Variants in ARHGAP45 observed in about 807,000 individuals in gnomAD.
The protein encoded by ARHGAP45 is Rho GTPase activating protein 45.
ARHGAP45 carries 56 observed loss-of-function variants against 116.1 expected under a neutral mutation model. The observed-to-expected ratio is 0.48, with a 90% confidence interval of 0.39 to 0.60. The LOEUF (loss-of-function observed/expected upper bound fraction) is 0.60, where lower values mean the gene tolerates loss of function less well. Among genes scored for constraint, ARHGAP45 ranks in the 20% least tolerant of loss-of-function variants. ARHGAP45 has a pLI of 0.00. For missense variants in ARHGAP45, 1,622 were observed against 1,601.0 expected (o/e 1.01, Z -0.22); for synonymous variants, 866 against 701.7 (o/e 1.23, Z -3.70).
intron 1 of ARHGAP45, 37 bp downstream of exon 1, chr19:1,067,532 G>A (rs1212361515): frequency 1.2e-5 from 19 of 1,534,710 alleles, no homozygotes; most frequent in East Asian, 2.4e-5. Context: ...AGCTGACGCC[G>A]GGCCGCAGGG....
chr19:1,086,002 T>C lies in ARHGAP45; in HGVS notation c.3407T>C (p.Val1136Ala), dbSNP rs768384669. 5 of 1,611,248 alleles carry C rather than the reference T, an allele frequency of 3.1e-6. No individual in the cohort carries two copies. The highest frequency in any genetic ancestry group is 2.2e-5 in the South Asian group (2 of 90,932). Residue 1136 changes from valine (V) to alanine (A), a missense_variant, in exon 23 of 23, where the codon GTG becomes GCG. Around this residue, in one of 3 missense-constraint regions of ARHGAP45, gnomAD observed 1,334 missense variants for 1,263.8 expected, o/e 1.06. Transcript: ENST00000313093. ...TGCAGGGAAAGGCAGCCGGAATTCG[T>C]GTGAGCTGGGGTGGGGCTGGGACCA... ...GSCRERQPEF[V>A]
Position 1,071,392 on chromosome 19 carries a change from C to T in ARHGAP45, c.422-1757C>T. 4 of 1,189,248 alleles carry T rather than the reference C, an allele frequency of 3.4e-6. No homozygotes were observed. Among genetic ancestry groups the T allele is most frequent in the Non-Finnish European group, 4.2e-6 (4 of 957,790 alleles). 73.7% of individuals were successfully genotyped at this position (1,189,248 alleles called of 1,614,324 possible). A position where few individuals can be genotyped will look rare whatever the true frequency, so the allele number is the denominator to read the frequency against. ...ACAGGTGCCGGGCGCTGGGTCCCGC[C>T]GCGTCCGGGAGCACGTGGCGCTCGG... is the stretch of plus-strand genomic sequence containing the variant. On this transcript the variant is annotated intron_variant, in intron 2 of 22. Coordinates refer to ENST00000313093, the MANE Select transcript of ARHGAP45 (RefSeq NM_012292.5). This position sits in a 1 kb window ranked among gnomAD's most constrained non-coding sequence, Gnocchi z 4.6.
chr19:1,081,410 A>G (rs927896622), intron 17 of ARHGAP45, 140 bp from the exon 18 acceptor site: 2 of 915,270 alleles, frequency 2.2e-6, no homozygotes, highest in African/African-American at 1.7e-5. Context: ...GGTGGAAGCC[A>G]CGAGCCACTG....
rs753124970 is a variant in ARHGAP45 at position 1,085,675 on chromosome 19, CCAA to C, written c.3082_3084del (p.Asn1028del). ...CCTTTCTTAGAATCCCGAGTTGTGT[CCAA>C]CGATTCGGACTCGGACCTAGAGGAG... is the stretch of plus-strand genomic sequence containing the variant. On this transcript the variant is annotated inframe_deletion, in exon 23 of 23. Coordinates refer to ENST00000313093, the MANE Select transcript of ARHGAP45 (RefSeq NM_012292.5). 5.1e-5 allele frequency: 81 copies of C among 1,575,940 alleles called. 2 individuals are homozygous for C. In the South Asian group the frequency reaches 8.7e-4, roughly 17 times the overall value.
Position 1,079,967 on chromosome 19 carries a change from G to T in ARHGAP45, c.1552G>T (p.Ala518Ser). 1 of 1,612,640 alleles carries T rather than the reference G, an allele frequency of 6.2e-7. No individual in the cohort carries two copies. Among genetic ancestry groups the T allele is most frequent in the Non-Finnish European group, 8.5e-7 (1 of 1,179,680 alleles). ...CTACCAGATGATGCATATGCAGACG[G>T]CGCCGCTGCCCGTGCACTTCCAGAT... ...SYYQMMHMQTAPLPVHFQMLC... is the reference protein window; with the variant it reads ...SYYQMMHMQTSPLPVHFQMLC... Residue 518 changes from alanine to serine, a missense_variant, in exon 13 of 23, where the codon GCG becomes TCG. Transcript: ENST00000313093.
In ARHGAP45 at chr19:1,079,776, C is replaced by T. The variant is rs148386179; in HGVS notation, c.1448C>T (p.Thr483Ile). Residue 483 changes from threonine (T) to isoleucine (I), a missense_variant, in exon 12 of 23, where the codon ACC (threonine) becomes ATC (isoleucine). Thr to Ile is a moderately conservative substitution (Grantham distance 89, BLOSUM62 -1). This residue lies in a region of ARHGAP45 where 1,334 missense variants were observed against 1,263.8 expected (regional missense o/e 1.06). Coordinates refer to ENST00000313093, the MANE Select transcript of ARHGAP45 (RefSeq NM_012292.5). ...AKTQKQELEDTKVTALRQIQE... is the reference protein window; with the variant it reads ...AKTQKQELEDIKVTALRQIQE... ...ACGCAGAAGCAGGAGCTGGAGGATACCAAGGTGACGGCGCTGCGGCAGATC... is the reference window on the plus strand; with the variant it reads ...ACGCAGAAGCAGGAGCTGGAGGATATCAAGGTGACGGCGCTGCGGCAGATC... The T allele has an allele frequency of 3.7e-6, 6 of 1,611,776 alleles. No homozygotes were observed. Among genetic ancestry groups the T allele is most frequent in the Admixed American group, 3.3e-5 (2 of 59,978 alleles).
At chr19:1,085,629 T>TCC in intron 22 of ARHGAP45, 31 bp from the exon 23 acceptor site, 1 of 1,476,498 alleles carries the variant, frequency 6.8e-7, no homozygotes, top group Non-Finnish European at 9.1e-7. Context: ...CTCCTGTCTG[T>TCC]CTCCCCCCGC....
Position 1,080,526 on chromosome 19 carries a change from C to T in ARHGAP45, c.1891C>T (p.Leu631=). The T allele has an allele frequency of 1.2e-6, 2 of 1,612,946 alleles. No individual in the cohort carries two copies. Among genetic ancestry groups the T allele is most frequent in the South Asian group, 1.1e-5 (1 of 91,084 alleles). ...CTCGATCTCAGACTCGGACAGTGGGCTGGACCCCGGCCCTGGCGCAGGTGA... is the reference window on the plus strand; with the variant it reads ...CTCGATCTCAGACTCGGACAGTGGGTTGGACCCCGGCCCTGGCGCAGGTGA... The part of the protein sequence containing the change: ...PLSISDSDSG[L]DPGPGAGDFK... Residue 631 remains leucine, a synonymous_variant, in exon 15 of 23, where the codon CTG becomes TTG. Transcript: ENST00000313093.
chr19:1,086,237 T>C lies in ARHGAP45; in HGVS notation c.*231T>C. On this transcript the variant is annotated 3_prime_UTR_variant, in exon 23 of 23. Transcript: ENST00000313093. ...GCTGTCCCCTGCACCCCGGCTCAGC[T>C]GAGCTGGGGAACACTGCTGTCGTGT... 1 of 540,262 alleles carries C rather than the reference T, an allele frequency of 1.9e-6. No homozygotes were observed. The highest frequency in any genetic ancestry group is 3.3e-6 in the Non-Finnish European group (1 of 301,038). 33.5% of individuals were successfully genotyped at this position (540,262 alleles called of 1,614,324 possible).
At chr19:1,077,170 G>A (rs990330108) in intron 10 of ARHGAP45, 4 of 985,246 alleles carry the variant, frequency 4.1e-6, no homozygotes, top group Non-Finnish European at 4.8e-6. Flanking sequence ...TGCCTGGGCG[G>A]CTTCTCTGTT....
rs2043629094 is a variant in ARHGAP45, at chr19:1,085,975, C to G, written c.3380C>G (p.Ser1127Cys). The G allele has an allele frequency of 6.2e-7, 1 of 1,612,700 alleles. No individual in the cohort carries two copies. The change falls in exon 23 of 23, where the codon TCC becomes TGC. Residue 1127 changes from serine to cysteine, a missense_variant. This residue lies in a region of ARHGAP45 where 1,334 missense variants were observed against 1,263.8 expected (regional missense o/e 1.06). Transcript: ENST00000313093. Reference sequence around the variant, plus strand: ...CGTGGCGGGCGGATGACACTGGGCTCCTGCAGGGAAAGGCAGCCGGAATTC... The same window carrying G: ...CGTGGCGGGCGGATGACACTGGGCTGCTGCAGGGAAAGGCAGCCGGAATTC... ...RLRGGRMTLG[S>C]CRERQPEFV
rs2043059455 is a variant in ARHGAP45, at chr19:1,067,509, G to A, written c.90+14G>A. 1.3e-6 allele frequency: 2 copies of A among 1,585,210 alleles called. No individual in the cohort carries two copies. The highest frequency in any genetic ancestry group is 8.6e-7 in the Non-Finnish European group (1 of 1,166,466). On this transcript the variant is annotated intron_variant, in intron 1 of 22. Transcript: ENST00000313093. ...CAGCCCTCGGGGGTGAGTGGAGCCC[G>A]GGTGAGACCCGGAGCTGACGCCGGG...
At chr19:1,083,931 G>A (rs755482047) in intron 21 of ARHGAP45, among the ~76,000 whole-genome samples, 13 of 152,170 alleles carry the variant, frequency 8.5e-5, no homozygotes, top group Non-Finnish European at 1.5e-4. Flanking sequence ...AACAGAGATG[G>A]GGTTTCACTT....
chr19:1,071,175 C>A lies in ARHGAP45; in HGVS notation c.422-1974C>A. 7.5e-7 allele frequency: 1 copy of A among 1,340,636 alleles called. No homozygotes were observed. The highest frequency in any genetic ancestry group is 3.5e-5 in the Admixed American group (1 of 28,330). The allele number at this position is 1,340,636 out of a possible 1,614,324, so 83.0% of individuals were successfully genotyped here. A position where few individuals can be genotyped will look rare whatever the true frequency, so the allele number is the denominator to read the frequency against. On this transcript the variant is annotated intron_variant, in intron 2 of 22. Coordinates refer to ENST00000313093, the MANE Select transcript of ARHGAP45 (RefSeq NM_012292.5). The surrounding 1 kb of genome is among the most constrained non-coding windows in gnomAD (Gnocchi z 4.6). The stretch of plus-strand genomic sequence containing the variant: ...AACGGGACCCCAGGGCGGGGTTTCC[C>A]TCGCGGGGGCGGGGCCTCCTGACCG...
rs769400987 is a variant in ARHGAP45, at chr19:1,073,959, C to A, written c.735C>A (p.Ser245Arg). The change falls in exon 6 of 23, where the codon AGC becomes AGA. Residue 245 changes from serine (S) to arginine (R), a missense_variant. Transcript: ENST00000313093. ...PPGDSSQSMESLYGPGSEGTP... is the reference protein window; with the variant it reads ...PPGDSSQSMERLYGPGSEGTP... ...TCTCCGTCCTACAGTCCATGGAAAG[C>A]CTGTATGGACCGGGCAGTGAGGGCA... 6.3e-7 allele frequency: 1 copy of A among 1,580,270 alleles called. No homozygotes were observed.
chr19:1,070,833 T>C (rs945062003), intron 2 of ARHGAP45, among the ~76,000 whole-genome samples: 2 of 152,122 alleles, frequency 1.3e-5, no homozygotes, highest in Non-Finnish European at 2.9e-5. Flanking sequence ...GAGAAGACCC[T>C]GGCGGCTAGG....
rs373114980 is a variant in ARHGAP45 at position 1,079,883 on chromosome 19, G to A, written c.1512+43G>A. 1.8e-5 allele frequency: 28 copies of A among 1,591,786 alleles called. No homozygotes were observed. In the African/African-American group the frequency reaches 2.8e-4, roughly 16 times the overall value. On this transcript the variant is annotated intron_variant, in intron 12 of 22. Transcript: ENST00000313093. ...GCCGCCCGGGCGGGGATGGTGGACCGGGCGGCCTCCTCCTGACCCCTCCGC... is the reference window on the plus strand; with the variant it reads ...GCCGCCCGGGCGGGGATGGTGGACCAGGCGGCCTCCTCCTGACCCCTCCGC...
chr19:1,075,907 C>CT (rs1226463155), intron 10 of ARHGAP45, among the ~76,000 whole-genome samples: 1 of 152,236 alleles, frequency 6.6e-6, no homozygotes, highest in African/African-American at 2.4e-5. Context: ...AAACACATAT[C>CT]TGCCCTGTTT....
rs1388089763 is a variant in ARHGAP45, at chr19:1,081,073, G to A, written c.2190+9G>A. ...GTGCTGAGTGTGAAGAGGTGAGTGG[G>A]ACGCCCCGACGGACAGCTGGGAGCC... On this transcript the variant is annotated intron_variant, in intron 17 of 22. Transcript: ENST00000313093. The A allele has an allele frequency of 6.3e-7, 1 of 1,593,674 alleles. No homozygotes were observed. The highest frequency in any genetic ancestry group is 1.1e-5 in the South Asian group (1 of 88,044).
Sources: allele counts gnomAD v4.1 joint callset (sites outside exome capture counted in the v4.1 genomes callset), GRCh38; gene constraint gnomAD v4.1.1; regional missense constraint gnomAD v4.1.1; non-coding constraint Gnocchi (gnomAD v3.1); transcripts MANE v1.5; gene names NCBI Gene and HGNC (gene_info 2026-07-23, HGNC 2026-07-21).